The following SGCZ variants were observed in gnomAD, a reference collection of about 807,000 sequenced individuals.
SGCZ encodes zeta-sarcoglycan.
SGCZ carries 40 observed loss-of-function variants against 41.3 expected under a neutral mutation model. That is an observed-to-expected ratio of 0.97 (90% CI 0.75 to 1.26). The LOEUF is 1.26. Ranked by LOEUF, SGCZ falls within the 50% of genes most tolerant of loss-of-function variation. SGCZ has a pLI of 0.00. For synonymous variants in SGCZ, 206 were observed against 137.5 expected (o/e 1.50, Z -3.49); for missense variants, 552 against 369.8 (o/e 1.49, Z -4.04).
chr8:14,765,247 T>A (rs1394202065), intron 1 of SGCZ, among the ~76,000 whole-genome samples: 1 of 152,128 alleles, frequency 6.6e-6, no homozygotes, highest in East Asian at 1.9e-4. Context: ...CCTAGACTCA[T>A]AAAAGAAGCT....
chr8:14,917,427 T>G (rs1267943998), intron 1 of SGCZ, among the ~76,000 whole-genome samples: 2 of 152,238 alleles, frequency 1.3e-5, no homozygotes, highest in East Asian at 3.9e-4. Flanking sequence ...CATTCCTAAA[T>G]CAAATCTCTT....
At chr8:14,338,469 G>A (rs1802577762) in intron 2 of SGCZ, among the ~76,000 whole-genome samples, 1 of 152,130 alleles carries the variant, frequency 6.6e-6, no homozygotes, top group Non-Finnish European at 1.5e-5. Context: ...AGCCATTCTA[G>A]CTCCCAATAT....
chr8:14,809,581 T>C (rs1373278990), intron 1 of SGCZ, among the ~76,000 whole-genome samples: 3 of 152,180 alleles, frequency 2.0e-5, no homozygotes, highest in Non-Finnish European at 4.4e-5. Flanking sequence ...TATCAAATTA[T>C]AACATTATTT....
At chr8:15,226,641 C>T (rs938772351) in intron 1 of SGCZ, among the ~76,000 whole-genome samples, 2 of 152,156 alleles carry the variant, frequency 1.3e-5, no homozygotes, top group Admixed American at 1.3e-4. Context: ...TCTAAAATGA[C>T]TTGTGAAACT....
chr8:15,130,571 G>A (rs919525354), intron 1 of SGCZ, among the ~76,000 whole-genome samples: 1 of 152,120 alleles, frequency 6.6e-6, no homozygotes, highest in African/African-American at 2.4e-5. Context: ...CTGGCATTCC[G>A]TGTTTAAAAC....
chr8:15,144,736 C>A (rs1365038556), intron 1 of SGCZ, among the ~76,000 whole-genome samples: 2 of 152,206 alleles, frequency 1.3e-5, no homozygotes, highest in Non-Finnish European at 2.9e-5. Flanking sequence ...GGGTTACAGG[C>A]ATGAGCAACG....
intron 1 of SGCZ, among the ~76,000 whole-genome samples, chr8:14,710,484 G>C (rs1809481695): frequency 6.6e-6 from 1 of 151,706 alleles, no homozygotes; most frequent in Non-Finnish European, 1.5e-5. Context: ...AAGTGATTCT[G>C]AGAAACCGAT....
chr8:14,266,658 C>T (rs561895226), intron 3 of SGCZ, among the ~76,000 whole-genome samples: 1 of 152,028 alleles, frequency 6.6e-6, no homozygotes, highest in East Asian at 1.9e-4. Flanking sequence ...CGTTAGGGAC[C>T]TGATGGGTCA....
chr8:14,367,998 T>C (rs1247579984), intron 2 of SGCZ, among the ~76,000 whole-genome samples: 2 of 152,048 alleles, frequency 1.3e-5, no homozygotes, highest in Admixed American at 6.6e-5. Flanking sequence ...TACTGGGAGT[T>C]TTATATCTAT....
chr8:14,356,984 T>C (rs1451941577), intron 2 of SGCZ, among the ~76,000 whole-genome samples: 1 of 151,864 alleles, frequency 6.6e-6, no homozygotes, highest in Non-Finnish European at 1.5e-5. Flanking sequence ...AGAAACACAA[T>C]AGTAAAATAT....
At chr8:14,627,125 G>T (rs188973918) in intron 1 of SGCZ, among the ~76,000 whole-genome samples, 2 of 152,024 alleles carry the variant, frequency 1.3e-5, no homozygotes, top group African/African-American at 4.8e-5. Context: ...GATACAAATT[G>T]TTAATACATT....
intron 1 of SGCZ, among the ~76,000 whole-genome samples, chr8:14,827,813 C>A (rs147830606): frequency 1.3e-5 from 2 of 152,040 alleles, no homozygotes; most frequent in Admixed American, 6.6e-5. Flanking sequence ...TATGCACACA[C>A]GGATACACAT....
chr8:14,753,258 C>G lies in SGCZ; in HGVS notation c.40-198332G>C, dbSNP rs184827377. Among the ~76,000 whole-genome samples the G allele has an allele frequency of 3.5e-4, 54 of 152,298 alleles. 1 individual carries two copies. The highest frequency in any genetic ancestry group is 4.0e-4 in the Non-Finnish European group (27 of 68,028). On this transcript the variant is annotated intron_variant, in intron 1 of 7. Coordinates refer to ENST00000382080, the MANE Select transcript of SGCZ (RefSeq NM_139167.4). ...TAAAATTTTAGATTCATAAATTTCTCTATTATCAAATAATGTACTTCAAGG... is the reference window on the plus strand; with the variant it reads ...TAAAATTTTAGATTCATAAATTTCTGTATTATCAAATAATGTACTTCAAGG...
intron 4 of SGCZ, among the ~76,000 whole-genome samples, chr8:14,199,852 T>C (rs1169567787): frequency 2.6e-5 from 4 of 152,156 alleles, no homozygotes; most frequent in Non-Finnish European, 5.9e-5. Context: ...ATTTTGAAGA[T>C]CTAAGATCTT....
intron 1 of SGCZ, among the ~76,000 whole-genome samples, chr8:14,883,967 T>C (rs1804694565): frequency 6.6e-6 from 1 of 152,084 alleles, no homozygotes; most frequent in Middle Eastern, 3.2e-3. Context: ...ATCTCCTTAC[T>C]TATCATATAT....
rs17120338 is a variant in SGCZ at position 14,824,505 on chromosome 8, C to T, written c.40-269579G>A. Among the ~76,000 whole-genome samples the T allele has an allele frequency of 2.4e-3, 366 of 152,128 alleles. 1 individual carries two copies. Among genetic ancestry groups the T allele is most frequent in the African/African-American group, 8.4e-3 (350 of 41,524 alleles). ...TTTCCATATCATAATTTTAAAAAAT[C>T]CAGGATGTACTCTTGATATGACATC... is the stretch of plus-strand genomic sequence containing the variant. On this transcript the variant is annotated intron_variant, in intron 1 of 7. Coordinates refer to ENST00000382080, the MANE Select transcript of SGCZ (RefSeq NM_139167.4).
At chr8:14,999,562 G>T (rs1003769370) in intron 1 of SGCZ, among the ~76,000 whole-genome samples, 2 of 152,160 alleles carry the variant, frequency 1.3e-5, no homozygotes, top group Non-Finnish European at 2.9e-5. Flanking sequence ...AGGAGGAAGT[G>T]GTGAGACAGA....
At chr8:14,252,428 G>C (rs1020392915) in intron 3 of SGCZ, among the ~76,000 whole-genome samples, 1 of 151,742 alleles carries the variant, frequency 6.6e-6, no homozygotes. Context: ...TTAATATTCT[G>C]TATCTGAAAA....
intron 1 of SGCZ, among the ~76,000 whole-genome samples, chr8:14,666,230 G>A (rs1278022184): frequency 6.6e-6 from 1 of 152,156 alleles, no homozygotes; most frequent in Non-Finnish European, 1.5e-5. Context: ...TGTTTGTAGG[G>A]CATAAAAGGA....
Sources: gnomAD v4.1 joint callset for allele counts (sites outside exome capture counted in the v4.1 genomes callset) on GRCh38, gnomAD v4.1.1 for gene constraint, MANE v1.5 for transcripts, NCBI Gene and HGNC (gene_info 2026-07-23, HGNC 2026-07-21) for gene names.